The following ALK variants were observed in gnomAD, a reference collection of about 807,000 sequenced individuals.
The protein encoded by ALK is ALK receptor tyrosine kinase.
Under a neutral mutation model 163.1 loss-of-function variants are expected in ALK, and 74 were observed. The ratio of observed to expected loss-of-function variants is 0.45; its 90% CI spans 0.38 to 0.55. The LOEUF (loss-of-function observed/expected upper bound fraction) is 0.55, where lower values mean the gene tolerates loss of function less well. Among genes scored for constraint, ALK ranks in the 20% least tolerant of loss-of-function variants. ALK has a pLI of 0.00. For synonymous variants in ALK, 960 were observed against 843.2 expected, an observed-to-expected ratio of 1.14 and a Z score of -2.40; for missense variants, 2,063 against 2,105.3, an observed-to-expected ratio of 0.98 and a Z score of 0.39.
intron 1 of ALK, among the ~76,000 whole-genome samples, chr2:29,824,145 T>C (rs988184056): frequency 1.1e-4 from 17 of 152,284 alleles, no homozygotes; most frequent in Non-Finnish European, 2.2e-4. Context: ...GCAGCTTCCA[T>C]GTAGTGTTGA....
intron 1 of ALK, among the ~76,000 whole-genome samples, chr2:29,743,793 C>T (rs1680128730): frequency 6.6e-6 from 1 of 152,076 alleles, no homozygotes; most frequent in Non-Finnish European, 1.5e-5. Context: ...AAATGGGCCC[C>T]AGGTTTGCAG....
intron 3 of ALK, among the ~76,000 whole-genome samples, chr2:29,618,162 T>C (rs1002765610): frequency 6.6e-6 from 1 of 152,176 alleles, no homozygotes; most frequent in Non-Finnish European, 1.5e-5. Flanking sequence ...AAACCAGCCT[T>C]TTGTCAGGGA....
chr2:29,224,158 G>A (rs1663851597), intron 19 of ALK, among the ~76,000 whole-genome samples: 1 of 152,182 alleles, frequency 6.6e-6, no homozygotes. Context: ...GGTGCAGCTG[G>A]GATCTTGGTC....
At chr2:29,624,279 T>G (rs541895502) in intron 3 of ALK, among the ~76,000 whole-genome samples, 1 of 152,334 alleles carries the variant, frequency 6.6e-6, no homozygotes, top group African/African-American at 2.4e-5. Flanking sequence ...AAGGGACCTT[T>G]AAGTTTTTAC....
At chr2:29,597,124 G>A (rs536353627) in intron 3 of ALK, among the ~76,000 whole-genome samples, 4 of 152,254 alleles carry the variant, frequency 2.6e-5, no homozygotes, top group East Asian at 1.9e-4. Flanking sequence ...AAAGGCAACC[G>A]CATTCTTTAA....
At chr2:29,828,802 A>T (rs530275343) in intron 1 of ALK, among the ~76,000 whole-genome samples, 2,281 of 152,206 alleles carry the variant, frequency 0.015, 59 homozygotes, top group African/African-American at 0.052. Flanking sequence ...TGACCCAGCC[A>T]TCCCATTACT....
chr2:29,392,796 T>A (rs1573312450), intron 4 of ALK, among the ~76,000 whole-genome samples: 2 of 152,348 alleles, frequency 1.3e-5, no homozygotes, highest in South Asian at 4.2e-4. Flanking sequence ...ACTAATTTGC[T>A]TGCTGGATTA....
At position 29,203,888 on chromosome 2, in the gene ALK, T is replaced by C. The variant is rs561759013; in HGVS notation, c.3938+3283A>G. Among the ~76,000 whole-genome samples, 4 of 152,262 alleles carry C rather than the reference T, an allele frequency of 2.6e-5. No individual in the cohort carries two copies. In the South Asian group the frequency reaches 8.3e-4, roughly 32 times the overall value. ...AATCTTGAATGATTGCTCTGCTGTC[T>C]TTATTCTCTTCATTTCCTCTGTTCC... On this transcript the variant is annotated intron_variant, in intron 26 of 28. Transcript: ENST00000389048.
At chr2:29,876,584 T>C (rs545972768) in intron 1 of ALK, among the ~76,000 whole-genome samples, 67 of 151,832 alleles carry the variant, frequency 4.4e-4, no homozygotes, top group South Asian at 3.6e-3. Flanking sequence ...GTGGTGGTGA[T>C]GGTGGTAATG....
At chr2:29,886,242 A>C (rs1009168362) in intron 1 of ALK, among the ~76,000 whole-genome samples, 2 of 152,262 alleles carry the variant, frequency 1.3e-5, no homozygotes, top group Non-Finnish European at 2.9e-5. Flanking sequence ...TTATGTTATC[A>C]GTAAGACTTT....
intron 1 of ALK, among the ~76,000 whole-genome samples, chr2:29,875,375 T>C (rs59135462): frequency 0.014 from 2,160 of 152,286 alleles, 41 homozygotes; most frequent in African/African-American, 0.043. Flanking sequence ...TGTCACTCAA[T>C]TGTACACTTA....
intron 5 of ALK, among the ~76,000 whole-genome samples, chr2:29,338,972 G>A (rs1038227123): frequency 6.6e-6 from 1 of 152,236 alleles, no homozygotes; most frequent in East Asian, 1.9e-4. Context: ...GGCAGGTGTG[G>A]TGTCTCACAC....
chr2:29,903,394 T>C (rs1667464951), intron 1 of ALK, among the ~76,000 whole-genome samples: 1 of 152,204 alleles, frequency 6.6e-6, no homozygotes, highest in Non-Finnish European at 1.5e-5. Context: ...CTTCCTTCAC[T>C]GATTCAGCAA....
Position 29,641,473 on chromosome 2 carries a change from G to A in ALK, c.952+53377C>T, listed in dbSNP as rs180937213. 3.6e-3 allele frequency among the ~76,000 whole-genome samples: 554 copies of A among 152,226 alleles called. 3 individuals carry two copies. The highest frequency in any genetic ancestry group is 0.013 in the African/African-American group (524 of 41,540). ...GTTGGATCTGCTGAACAGCCCCTGG[G>A]AAAAACAGGGGCCCTGAGACAGACA... is the stretch of plus-strand genomic sequence containing the variant. On this transcript the variant is annotated intron_variant, in intron 3 of 28. Coordinates refer to ENST00000389048, the MANE Select transcript of ALK (RefSeq NM_004304.5).
chr2:29,790,459 A>G (rs1266532316), intron 1 of ALK, among the ~76,000 whole-genome samples: 3 of 152,218 alleles, frequency 2.0e-5, no homozygotes, highest in Non-Finnish European at 4.4e-5. Flanking sequence ...ACCTACTTCC[A>G]TATAACAGAG....
chr2:29,628,402 T>G (rs185842081), intron 3 of ALK, among the ~76,000 whole-genome samples: 3 of 152,354 alleles, frequency 2.0e-5, no homozygotes, highest in Non-Finnish European at 4.4e-5. Flanking sequence ...CTGCATTTTT[T>G]TCTTAACTCC....
At chr2:29,679,477 C>G (rs1365955200) in intron 3 of ALK, among the ~76,000 whole-genome samples, 1 of 150,432 alleles carries the variant, frequency 6.6e-6, no homozygotes, top group Non-Finnish European at 1.5e-5. Flanking sequence ...GTTTCTTTCT[C>G]TTACATTTTG....
intron 3 of ALK, among the ~76,000 whole-genome samples, chr2:29,691,716 T>A (rs1293346877): frequency 6.6e-6 from 1 of 152,176 alleles, no homozygotes; most frequent in East Asian, 1.9e-4. Flanking sequence ...TTTTGTTTTG[T>A]CATAGCACTC....
At chr2:29,614,959 G>A (rs1051370609) in intron 3 of ALK, among the ~76,000 whole-genome samples, 7 of 152,110 alleles carry the variant, frequency 4.6e-5, no homozygotes, top group African/African-American at 7.2e-5. Flanking sequence ...TCTTTAACAA[G>A]TATCATGGAT....
Sources: gnomAD v4.1 joint callset for allele counts (sites outside exome capture counted in the v4.1 genomes callset) on GRCh38, gnomAD v4.1.1 for gene constraint, MANE v1.5 for transcripts, NCBI Gene and HGNC (gene_info 2026-07-23, HGNC 2026-07-21) for gene names.